Variants in NAALADL2 observed in about 807,000 individuals in gnomAD.
NAALADL2 encodes inactive N-acetylated-alpha-linked acidic dipeptidase-like protein 2.
A neutral mutation model predicts 87.2 loss-of-function variants in NAALADL2; 76 were observed. The ratio of observed to expected loss-of-function variants is 0.87; its 90% CI spans 0.72 to 1.05. The LOEUF (loss-of-function observed/expected upper bound fraction) is 1.05, where lower values mean the gene tolerates loss of function less well. NAALADL2 is among the 50% of genes least tolerant of loss of function. NAALADL2 has a pLI of 0.00. For synonymous variants in NAALADL2, 354 were observed against 331.0 expected, an observed-to-expected ratio of 1.07 and a Z score of -0.75; for missense variants, 1,089 against 945.8, an observed-to-expected ratio of 1.15 and a Z score of -1.99.
chr3:175,635,083 A>T (rs766682997), intron 11 of NAALADL2, among the ~76,000 whole-genome samples: 36 of 152,222 alleles, frequency 2.4e-4, no homozygotes, highest in Non-Finnish European at 4.1e-4. Context: ...GTGCATAATT[A>T]AACTTAATAT....
rs565334768 is a variant in NAALADL2, at chr3:174,540,588, G to A, written c.-183-9981G>A. The A allele has an allele frequency of 2.0e-5, 3 of 152,280 alleles. No homozygotes were observed. In the East Asian group the frequency reaches 5.8e-4, roughly 29 times the overall value. 9.4% of individuals were successfully genotyped at this position (152,280 alleles called of 1,614,324 possible). On this transcript the variant is annotated intron_variant, in intron 1 of 3. Transcript: ENST00000434257. ...TACTACTAGCCGGAAGACTTCTTAC[G>A]AATTTTACACACTACATTAGAAGCT...
intron 1 of NAALADL2, among the ~76,000 whole-genome samples, chr3:174,479,399 A>T (rs1262145158): frequency 6.6e-6 from 1 of 152,130 alleles, no homozygotes; most frequent in African/African-American, 2.4e-5. Context: ...TATTTTTCAT[A>T]TAAGAAAACT....
intron 12 of NAALADL2, among the ~76,000 whole-genome samples, chr3:175,748,960 A>C (rs558083408): frequency 1.3e-4 from 20 of 151,594 alleles, no homozygotes; most frequent in African/African-American, 4.1e-4. Context: ...TTTAAAAATT[A>C]GCTGGACATG....
At chr3:175,075,313 A>T (rs961091430) in intron 1 of NAALADL2, among the ~76,000 whole-genome samples, 2 of 152,032 alleles carry the variant, frequency 1.3e-5, no homozygotes, top group Non-Finnish European at 2.9e-5. Flanking sequence ...GATCTCTTTT[A>T]GTCTGCTTTA....
At chr3:174,805,594 A>G (rs945398496) in intron 3 of NAALADL2, among the ~76,000 whole-genome samples, 6 of 152,112 alleles carry the variant, frequency 3.9e-5, no homozygotes, top group African/African-American at 1.4e-4. Flanking sequence ...GCTTGATTCT[A>G]TTTTGTGAAG....
At chr3:175,689,080 T>C (rs1188896686) in intron 11 of NAALADL2, among the ~76,000 whole-genome samples, 1 of 152,188 alleles carries the variant, frequency 6.6e-6, no homozygotes, top group Non-Finnish European at 1.5e-5. Flanking sequence ...AAGTTAATTT[T>C]ATGGAAATAT....
intron 2 of NAALADL2, among the ~76,000 whole-genome samples, chr3:175,102,211 C>T (rs937517441): frequency 3.3e-5 from 5 of 152,154 alleles, no homozygotes; most frequent in African/African-American, 9.7e-5. Context: ...CATTCTTGTA[C>T]ATAAATCCAA....
chr3:175,655,873 A>G (rs2149798871), intron 11 of NAALADL2, among the ~76,000 whole-genome samples: 1 of 152,212 alleles, frequency 6.6e-6, no homozygotes, highest in East Asian at 1.9e-4. Flanking sequence ...TGTGGAAGGA[A>G]AATTAATATA....
chr3:175,121,053 A>C (rs929197332), intron 2 of NAALADL2, among the ~76,000 whole-genome samples: 1 of 151,784 alleles, frequency 6.6e-6, no homozygotes, highest in Non-Finnish European at 1.5e-5. Flanking sequence ...GGTATCCTAC[A>C]TTCTTGTCAA....
At chr3:174,787,582 TATATATATATATATATATA>T (rs1560225423) in intron 3 of NAALADL2, among the ~76,000 whole-genome samples, 1 of 47,970 alleles carries the variant, frequency 2.1e-5, no homozygotes, top group Non-Finnish European at 4.4e-5. Context: ...TCATCATATA[TATATATATATATATATATA>T]TATATATATA....
chr3:174,840,022 A>T (rs2109416235), intron 3 of NAALADL2, among the ~76,000 whole-genome samples: 1 of 152,172 alleles, frequency 6.6e-6, no homozygotes, highest in East Asian at 1.9e-4. Flanking sequence ...GAGGAAAATA[A>T]GTCATTATAT....
intron 11 of NAALADL2, among the ~76,000 whole-genome samples, chr3:175,651,057 C>T (rs1328420523): frequency 6.6e-6 from 1 of 152,190 alleles, no homozygotes; most frequent in African/African-American, 2.4e-5. Context: ...ACAATGTCTA[C>T]AGCATTGTTT....
chr3:175,041,825 G>C (rs548564874), intron 1 of NAALADL2, among the ~76,000 whole-genome samples: 8 of 151,948 alleles, frequency 5.3e-5, no homozygotes, highest in Non-Finnish European at 1.2e-4. Flanking sequence ...GTACATATTC[G>C]AAAGGTACAA....
At chr3:174,513,919 A>G (rs1719763351) in intron 1 of NAALADL2, among the ~76,000 whole-genome samples, 1 of 152,118 alleles carries the variant, frequency 6.6e-6, no homozygotes, top group South Asian at 2.1e-4. Flanking sequence ...GCCTTTGTTT[A>G]ATTCAGTATT....
chr3:175,441,671 TCACACACACA>T (rs57990259), intron 5 of NAALADL2, among the ~76,000 whole-genome samples: 95 of 148,748 alleles, frequency 6.4e-4, no homozygotes, highest in East Asian at 2.0e-3. Context: ...GATCTCATGT[TCACACACACA>T]CACACACACA....
intron 5 of NAALADL2, among the ~76,000 whole-genome samples, chr3:175,445,494 C>T (rs552029781): frequency 6.6e-6 from 1 of 152,156 alleles, no homozygotes; most frequent in Non-Finnish European, 1.5e-5. Context: ...TACCTTCCTT[C>T]TGCTCGGTTA....
intron 2 of NAALADL2, among the ~76,000 whole-genome samples, chr3:174,697,329 G>C (rs1444495166): frequency 6.6e-6 from 1 of 152,052 alleles, no homozygotes; most frequent in Non-Finnish European, 1.5e-5. Flanking sequence ...CAACATAAAA[G>C]GCATAATCAC....
At chr3:174,973,195 G>A (rs531045540) in intron 1 of NAALADL2, among the ~76,000 whole-genome samples, 91 of 152,160 alleles carry the variant, frequency 6.0e-4, no homozygotes, top group Non-Finnish European at 9.7e-4. Context: ...TATGGCATAC[G>A]TTTTTAAAGA....
intron 5 of NAALADL2, among the ~76,000 whole-genome samples, chr3:175,416,694 C>T (rs941914393): frequency 2.0e-5 from 3 of 152,074 alleles, no homozygotes; most frequent in African/African-American, 7.2e-5. Context: ...GTTTTTGTCA[C>T]TAGCGTGTAA....
Sources: gnomAD v4.1 joint callset for allele counts (sites outside exome capture counted in the v4.1 genomes callset) on GRCh38, gnomAD v4.1.1 for gene constraint, MANE v1.5 for transcripts, NCBI Gene and HGNC (gene_info 2026-07-23, HGNC 2026-07-21) for gene names.